Variants in CNTNAP5 observed in about 807,000 individuals in gnomAD.
CNTNAP5 encodes contactin-associated protein-like 5.
CNTNAP5 carries 72 observed loss-of-function variants against 150.2 expected under a neutral mutation model. The ratio of observed to expected loss-of-function variants is 0.48; its 90% confidence interval spans 0.40 to 0.58. CNTNAP5 has a LOEUF of 0.58. Among genes scored for constraint, CNTNAP5 ranks in the 20% least tolerant of loss-of-function variants. The pLI is 0.00. For missense variants in CNTNAP5, 1,636 were observed against 1,626.2 expected (o/e 1.01, Z -0.10); for synonymous variants, 672 against 619.8 (o/e 1.08, Z -1.25).
At chr2:124,735,514 A>G (rs1405391942) in intron 13 of CNTNAP5, among the ~76,000 whole-genome samples, 2 of 152,146 alleles carry the variant, frequency 1.3e-5, no homozygotes, top group Non-Finnish European at 2.9e-5. Flanking sequence ...TATATTTGGG[A>G]ATATCCCCAA....
At chr2:124,380,812 T>C (rs771500967) in intron 3 of CNTNAP5, among the ~76,000 whole-genome samples, 17 of 152,164 alleles carry the variant, frequency 1.1e-4, no homozygotes, top group Non-Finnish European at 2.1e-4. Flanking sequence ...CAAAACAGCC[T>C]GTGCCTTCAG....
intron 1 of CNTNAP5, among the ~76,000 whole-genome samples, chr2:124,165,476 T>G (rs1331140699): frequency 2.0e-5 from 3 of 152,302 alleles, no homozygotes; most frequent in Non-Finnish European, 2.9e-5. Context: ...ACGTCTGATA[T>G]GTTTGTGAAG....
intron 1 of CNTNAP5, among the ~76,000 whole-genome samples, chr2:124,199,413 C>CTTT (rs70996049): frequency 0.19 from 21,185 of 109,770 alleles, 2,873 homozygotes; most frequent in East Asian, 0.32. Flanking sequence ...TTCCAAGGTT[C>CTTT]TTTTTTTTTT....
chr2:124,842,220 T>G (rs556135936), intron 19 of CNTNAP5, among the ~76,000 whole-genome samples: 1 of 152,212 alleles, frequency 6.6e-6, no homozygotes, highest in Admixed American at 6.5e-5. Context: ...TAATTGGGTC[T>G]CAGAAGAAAG....
chr2:124,256,836 T>C (rs1229403733), intron 3 of CNTNAP5, among the ~76,000 whole-genome samples: 1 of 152,144 alleles, frequency 6.6e-6, no homozygotes. Context: ...TGAAGAGTGC[T>C]CCCACAAAAT....
chr2:124,296,990 C>A (rs542482047), intron 3 of CNTNAP5, among the ~76,000 whole-genome samples: 33 of 152,302 alleles, frequency 2.2e-4, no homozygotes, highest in African/African-American at 7.9e-4. Flanking sequence ...TCTGGGGCAG[C>A]TCCTTTGTCT....
chr2:124,539,936 A>G (rs187725309), intron 10 of CNTNAP5, among the ~76,000 whole-genome samples: 92 of 152,286 alleles, frequency 6.0e-4, no homozygotes, highest in Middle Eastern at 6.8e-3. Flanking sequence ...ATGATTTACT[A>G]AGCCCACTGC....
intron 8 of CNTNAP5, among the ~76,000 whole-genome samples, chr2:124,516,449 G>A (rs1195655335): frequency 6.6e-6 from 1 of 152,158 alleles, no homozygotes; most frequent in Non-Finnish European, 1.5e-5. Context: ...AATCTATTTT[G>A]TTTCCATTTT....
intron 3 of CNTNAP5, among the ~76,000 whole-genome samples, chr2:124,260,010 A>G (rs1687411167): frequency 6.6e-6 from 1 of 152,168 alleles, no homozygotes; most frequent in African/African-American, 2.4e-5. Context: ...GAATTGGAAA[A>G]AAACTACTTT....
At chr2:124,407,820 T>A (rs191639906) in intron 3 of CNTNAP5, among the ~76,000 whole-genome samples, 46 of 152,234 alleles carry the variant, frequency 3.0e-4, no homozygotes, top group African/African-American at 1.1e-3. Flanking sequence ...TTGAAGACAA[T>A]TGTGTTTCTC....
intron 13 of CNTNAP5, among the ~76,000 whole-genome samples, chr2:124,674,364 C>T (rs1678885958): frequency 1.5e-5 from 2 of 136,988 alleles, no homozygotes; most frequent in Admixed American, 7.4e-5. Flanking sequence ...TTCTTCCCTC[C>T]CTCCCTCCTT....
At chr2:124,363,030 G>A (rs147615107) in intron 3 of CNTNAP5, among the ~76,000 whole-genome samples, 2 of 152,284 alleles carry the variant, frequency 1.3e-5, no homozygotes, top group East Asian at 3.9e-4. Flanking sequence ...ATAATAAGGT[G>A]GAGAAAACAT....
intron 1 of CNTNAP5, among the ~76,000 whole-genome samples, chr2:124,101,156 A>G (rs1488459697): frequency 6.6e-6 from 1 of 152,232 alleles, no homozygotes; most frequent in Non-Finnish European, 1.5e-5. Context: ...GCTCAGGAAC[A>G]TGAAAATAAT....
chr2:124,707,172 AAGAAGAAGAAGAAGAAG>A (rs1679703079), intron 13 of CNTNAP5, among the ~76,000 whole-genome samples: 2 of 149,572 alleles, frequency 1.3e-5, no homozygotes, highest in African/African-American at 2.5e-5. Flanking sequence ...GAAGAAGAAG[AAGAAGAAGAAGAAGAAG>A]AAGAAGAAGA....
At chr2:124,275,746 G>A (rs1467272901) in intron 3 of CNTNAP5, among the ~76,000 whole-genome samples, 1 of 152,066 alleles carries the variant, frequency 6.6e-6, no homozygotes, top group African/African-American at 2.4e-5. Flanking sequence ...TGAGTAGGAT[G>A]ACTTTTTAGT....
At chr2:124,222,687 A>G (rs961096808) in intron 2 of CNTNAP5, among the ~76,000 whole-genome samples, 3 of 149,676 alleles carry the variant, frequency 2.0e-5, no homozygotes, top group Non-Finnish European at 3.0e-5. Context: ...GCAATATTGA[A>G]CCATCTTTGC....
chr2:124,643,267 A>G (rs1470896175), intron 12 of CNTNAP5, among the ~76,000 whole-genome samples: 1 of 152,184 alleles, frequency 6.6e-6, no homozygotes, highest in Non-Finnish European at 1.5e-5. Context: ...TTGAGCAGTG[A>G]AAGAGAAGAG....
chr2:124,518,460 C>T (rs1262821420), intron 8 of CNTNAP5, among the ~76,000 whole-genome samples: 5 of 152,058 alleles, frequency 3.3e-5, no homozygotes, highest in African/African-American at 1.2e-4. Flanking sequence ...TTGTTAAAAG[C>T]GAAGTCATTT....
chr2:124,359,070 A>G (rs1202472387), intron 3 of CNTNAP5, among the ~76,000 whole-genome samples: 1 of 151,580 alleles, frequency 6.6e-6, no homozygotes, highest in Non-Finnish European at 1.5e-5. Context: ...CATTTCTTCT[A>G]GATTTTCTAG....
Sources: gnomAD v4.1 joint callset for allele counts (sites outside exome capture counted in the v4.1 genomes callset) on GRCh38, gnomAD v4.1.1 for gene constraint, MANE v1.5 for transcripts, NCBI Gene and HGNC (gene_info 2026-07-23, HGNC 2026-07-21) for gene names.